GTF2B: variants seen among roughly 807,000 people sequenced by gnomAD.
GTF2B encodes the protein general transcription factor IIB.
GTF2B carries 20 observed loss-of-function variants against 34.6 expected under a neutral mutation model. The ratio of observed to expected loss-of-function variants is 0.58; its 90% confidence interval spans 0.41 to 0.84. GTF2B has a LOEUF of 0.84. Among genes scored for constraint, GTF2B ranks in the 40% least tolerant of loss-of-function variants. The probability of loss-of-function intolerance (pLI) is 0.00; values close to 1 mark genes in which losing one functional copy is unlikely to be tolerated. For missense variants in GTF2B, 237 were observed against 393.3 expected, an observed-to-expected ratio of 0.60 and a Z score of 3.36; for synonymous variants, 142 against 132.4, an observed-to-expected ratio of 1.07 and a Z score of -0.50.
Position 88,855,184 on chromosome 1 carries a change from G to A in GTF2B, c.818-1838C>T, listed in dbSNP as rs181732519. 2.5e-3 allele frequency among the ~76,000 whole-genome samples: 381 copies of A among 152,238 alleles called. 10 individuals carry two copies. Among genetic ancestry groups the A allele is most frequent in the Admixed American group, 0.019 (285 of 15,278 alleles). On this transcript the variant is annotated intron_variant, in intron 6 of 6. Coordinates refer to ENST00000370500, the MANE Select transcript of GTF2B (RefSeq NM_001514.6). ...AAAAGACTCAAAATTTCCTTAAAAC[G>A]TGAGTGAAGGCCAAAGGGAATGGAT...
chr1:88,863,724 T>C (rs1170222923), intron 3 of GTF2B, among the ~76,000 whole-genome samples: 2 of 152,194 alleles, frequency 1.3e-5, no homozygotes, highest in Non-Finnish European at 2.9e-5. Context: ...CACTCATTTT[T>C]TGTGTGTACA....
At chr1:88,862,353 G>C (rs1266954100) in intron 3 of GTF2B, among the ~76,000 whole-genome samples, 6 of 152,106 alleles carry the variant, frequency 3.9e-5, no homozygotes, top group Admixed American at 6.6e-5. Context: ...ACAAGCCTGG[G>C]CAACATGGCG....
At chr1:88,854,243 CT>C (rs1008741058) in intron 6 of GTF2B, among the ~76,000 whole-genome samples, 2 of 152,104 alleles carry the variant, frequency 1.3e-5, no homozygotes, top group Non-Finnish European at 2.9e-5. Context: ...GTTCTACAAT[CT>C]TTTTTTCTAC....
Position 88,852,948 on chromosome 1 carries a change from G to A in GTF2B, c.*265C>T, listed in dbSNP as rs928545940. On this transcript the variant is annotated 3_prime_UTR_variant, in exon 7 of 7. Coordinates refer to ENST00000370500, the MANE Select transcript of GTF2B (RefSeq NM_001514.6). ...AACAAAAACTTGAGTTTTGAAAAAT[G>A]TTTTATTCAAGAATTACATAATTTC... The A allele has an allele frequency of 2.6e-6, 1 of 378,448 alleles. No individual in the cohort carries two copies. Among genetic ancestry groups the A allele is most frequent in the African/African-American group, 2.1e-5 (1 of 48,320 alleles). The allele number at this position is 378,448 out of a possible 1,614,324, so 23.4% of individuals were successfully genotyped here. A position where few individuals can be genotyped will look rare whatever the true frequency, so the allele number is the denominator to read the frequency against.
intron 2 of GTF2B, among the ~76,000 whole-genome samples, chr1:88,868,974 C>T (rs570693070): frequency 4.1e-4 from 63 of 152,194 alleles, no homozygotes; most frequent in Non-Finnish European, 7.8e-4. Context: ...CTCCTGACCT[C>T]GTGATCCGCC....
intron 2 of GTF2B, among the ~76,000 whole-genome samples, chr1:88,881,904 G>A (rs1440452336): frequency 6.6e-6 from 1 of 152,074 alleles, no homozygotes; most frequent in Admixed American, 6.5e-5. Flanking sequence ...AAGCATACAA[G>A]TCTTGTGAAT....
chr1:88,879,636 TG>T (rs1233973604), intron 2 of GTF2B, among the ~76,000 whole-genome samples: 1 of 150,642 alleles, frequency 6.6e-6, no homozygotes, highest in Non-Finnish European at 1.5e-5. Flanking sequence ...CTAACACAGA[TG>T]AGAGGGTGAC....
intron 1 of GTF2B, among the ~76,000 whole-genome samples, chr1:88,890,728 G>A (rs1467699471): frequency 6.6e-6 from 1 of 152,098 alleles, no homozygotes; most frequent in Non-Finnish European, 1.5e-5. Context: ...CATTTTTCAG[G>A]TCACAAGATT....
chr1:88,868,075 T>C (rs1388719573), intron 2 of GTF2B, among the ~76,000 whole-genome samples: 1 of 152,168 alleles, frequency 6.6e-6, no homozygotes, highest in African/African-American at 2.4e-5. Flanking sequence ...GGCAAGTCCA[T>C]TCAGAAAAAA....
intron 2 of GTF2B, among the ~76,000 whole-genome samples, chr1:88,876,984 G>A (rs1020719798): frequency 6.6e-6 from 1 of 152,150 alleles, no homozygotes; most frequent in Non-Finnish European, 1.5e-5. Context: ...GTGTAGGTGT[G>A]AAGACATGGA....
intron 2 of GTF2B, among the ~76,000 whole-genome samples, chr1:88,883,488 A>G (rs1402861694): frequency 6.6e-6 from 1 of 152,056 alleles, no homozygotes; most frequent in Non-Finnish European, 1.5e-5. Flanking sequence ...ATCAAGGCAA[A>G]AAGATCACTT....
intron 6 of GTF2B, among the ~76,000 whole-genome samples, chr1:88,856,281 A>AAC (rs1673306979): frequency 2.5e-5 from 3 of 120,496 alleles, no homozygotes; most frequent in Admixed American, 8.3e-5. Context: ...ACAAAAAAAA[A>AAC]AAAAAAAAAC....
Position 88,891,531 on chromosome 1 carries a change from C to G in GTF2B, c.-32G>C, listed in dbSNP as rs745601529. ...GGCGACTGCGGTGCCCGCAACAAGA[C>G]ACAACAGACACACCGAAAGCAGGAA... On this transcript the variant is annotated 5_prime_UTR_variant, in exon 1 of 7. Transcript: ENST00000370500. 4.4e-6 allele frequency: 7 copies of G among 1,592,692 alleles called. No homozygotes were observed. The highest frequency in any genetic ancestry group is 6.0e-6 in the Non-Finnish European group (7 of 1,166,292).
intron 2 of GTF2B, among the ~76,000 whole-genome samples, chr1:88,872,479 A>AG (rs1488964987): frequency 6.7e-6 from 1 of 149,658 alleles, no homozygotes; most frequent in Non-Finnish European, 1.5e-5. Context: ...AAAAAAAAAA[A>AG]AAAGAAAGTA....
intron 6 of GTF2B, among the ~76,000 whole-genome samples, chr1:88,855,495 G>T (rs547159119): frequency 4.6e-5 from 7 of 151,804 alleles, no homozygotes; most frequent in African/African-American, 1.7e-4. Context: ...TGGGACTACA[G>T]GTGTGCACCA....
Position 88,852,670 on chromosome 1 carries a change from T to C in GTF2B, c.*543A>G, listed in dbSNP as rs1673218650. ...AACATTTTAATGTCTCTCAAGCTGGTGCCTTTCAAGGCCCAAGCTCATCAC... is the reference window on the plus strand; with the variant it reads ...AACATTTTAATGTCTCTCAAGCTGGCGCCTTTCAAGGCCCAAGCTCATCAC... On this transcript the variant is annotated 3_prime_UTR_variant, in exon 7 of 7. Transcript: ENST00000370500. Among the ~76,000 whole-genome samples, 1 of 152,130 alleles carries C rather than the reference T, an allele frequency of 6.6e-6. No individual in the cohort carries two copies. Among genetic ancestry groups the C allele is most frequent in the African/African-American group, 2.4e-5 (1 of 41,380 alleles).
intron 2 of GTF2B, among the ~76,000 whole-genome samples, chr1:88,883,561 A>G (rs535080416): frequency 6.6e-6 from 1 of 152,150 alleles, no homozygotes; most frequent in East Asian, 1.9e-4. Flanking sequence ...CAAAAAAAAA[A>G]AATTAGCCAG....
rs148806072 is a variant in GTF2B at position 88,877,991 on chromosome 1, C to G, written c.124+9270G>C. Among the ~76,000 whole-genome samples the G allele has an allele frequency of 6.3e-3, 963 of 152,212 alleles. 6 individuals carry two copies. Among genetic ancestry groups the G allele is most frequent in the Non-Finnish European group, 8.3e-3 (564 of 68,014 alleles). ...CAGTTTCACAGTAGGAACAACAAAA[C>G]TTTAAGAATTGGCCCAGGTTGGGCG... On this transcript the variant is annotated intron_variant, in intron 2 of 6. Transcript: ENST00000370500.
intron 2 of GTF2B, 28 bp downstream of exon 2, chr1:88,887,233 T>A (rs1674093381): frequency 7.0e-7 from 1 of 1,432,802 alleles, no homozygotes. Flanking sequence ...GAACAGTAAT[T>A]TAAATTAAAA....
Sources: gnomAD v4.1 joint callset for allele counts (sites outside exome capture counted in the v4.1 genomes callset) on GRCh38, gnomAD v4.1.1 for gene constraint, MANE v1.5 for transcripts, NCBI Gene and HGNC (gene_info 2026-07-23, HGNC 2026-07-21) for gene names.